The following PACSIN2 variants were observed in gnomAD, a reference collection of about 807,000 sequenced individuals.
PACSIN2 encodes protein kinase C and casein kinase substrate in neurons protein 2.
PACSIN2 carries 25 observed loss-of-function variants against 63.8 expected under a neutral mutation model. That is an observed-to-expected ratio of 0.39 (90% CI 0.29 to 0.55). The LOEUF is 0.55. Among genes scored for constraint, PACSIN2 ranks in the 20% least tolerant of loss-of-function variants. PACSIN2 has a pLI of 0.62. For synonymous variants in PACSIN2, 255 were observed against 256.2 expected (o/e 1.00, Z 0.05); for missense variants, 518 against 646.9 (o/e 0.80, Z 2.16).
chr22:43,013,298 C>T (rs1924623952), intron 1 of PACSIN2, among the ~76,000 whole-genome samples: 1 of 152,210 alleles, frequency 6.6e-6, no homozygotes, highest in Non-Finnish European at 1.5e-5. Flanking sequence ...ATAAATATCA[C>T]CAGCCTAATG....
intron 1 of PACSIN2, among the ~76,000 whole-genome samples, chr22:42,931,730 A>G (rs1932782565): frequency 1.3e-5 from 2 of 152,160 alleles, no homozygotes; most frequent in African/African-American, 2.4e-5. Flanking sequence ...TAATAGTTAC[A>G]TTTTTTAATT....
rs186900723 is a variant in PACSIN2 at position 43,007,201 on chromosome 22, T to A, written c.-78+7820A>T. Reference sequence around the variant, plus strand: ...CCTTCCCTGCCCCTAGCAGCCCCTCTCACACACACCTCTTGTTCTTTTTTT... The same window carrying A: ...CCTTCCCTGCCCCTAGCAGCCCCTCACACACACACCTCTTGTTCTTTTTTT... On this transcript the variant is annotated intron_variant, in intron 1 of 10. Coordinates refer to ENST00000263246, the MANE Select transcript of PACSIN2 (RefSeq NM_001184970.3). Among the ~76,000 whole-genome samples the A allele has an allele frequency of 3.4e-5, 5 of 149,086 alleles. No homozygotes were observed. In the East Asian group the frequency reaches 5.9e-4, roughly 18 times the overall value.
At chr22:42,921,033 T>A (rs1932159785) in intron 1 of PACSIN2, among the ~76,000 whole-genome samples, 2 of 151,992 alleles carry the variant, frequency 1.3e-5, no homozygotes, top group Non-Finnish European at 2.9e-5. Context: ...TGGGCTCAAG[T>A]GATCCACTGT....
chr22:42,929,482 G>A (rs936001969), intron 1 of PACSIN2, among the ~76,000 whole-genome samples: 2 of 152,242 alleles, frequency 1.3e-5, no homozygotes, highest in Non-Finnish European at 2.9e-5. Context: ...TCAGTGGATT[G>A]TGAAATGTTC....
At chr22:42,939,559 C>T (rs1426876405) in intron 1 of PACSIN2, among the ~76,000 whole-genome samples, 1 of 152,176 alleles carries the variant, frequency 6.6e-6, no homozygotes, top group Non-Finnish European at 1.5e-5. Flanking sequence ...GCCAACCCCA[C>T]AGAGGGAATG....
At chr22:42,904,249 C>T (rs1245383348) in intron 2 of PACSIN2, among the ~76,000 whole-genome samples, 7 of 152,228 alleles carry the variant, frequency 4.6e-5, no homozygotes, top group South Asian at 2.1e-4. Context: ...GAGAAGGCCC[C>T]GCGACACCCT....
intron 1 of PACSIN2, among the ~76,000 whole-genome samples, chr22:42,986,563 G>A (rs1479006952): frequency 1.3e-5 from 2 of 152,264 alleles, no homozygotes; most frequent in Non-Finnish European, 1.5e-5. Context: ...GCACGCTGCT[G>A]AGTGCACATG....
At position 42,893,613 on chromosome 22, in the gene PACSIN2, C is replaced by A; in HGVS notation, c.61G>T (p.Val21Phe). Residue 21 changes from valine to phenylalanine, a missense_variant and splice_region_variant, in exon 3 of 11, where the codon GTC becomes TTC. Physicochemically the swap from Val to Phe is conservative, Grantham distance 50. Coordinates refer to ENST00000263246, the MANE Select transcript of PACSIN2 (RefSeq NM_001184970.3). ...TTCACAGTCCGCTTGTAGTTCCCGA[C>A]CTAGGAGAGAGAACCAGCTGGGAGG... is the stretch of plus-strand genomic sequence containing the variant. ...VEVSSDSFWEVGNYKRTVKRI... is the reference protein window; with the variant it reads ...VEVSSDSFWEFGNYKRTVKRI... 4 of 1,611,378 alleles carry A rather than the reference C, an allele frequency of 2.5e-6. No homozygotes were observed. Among genetic ancestry groups the A allele is most frequent in the Non-Finnish European group, 3.4e-6 (4 of 1,177,778 alleles).
chr22:42,944,582 G>C (rs1933323270), intron 1 of PACSIN2, among the ~76,000 whole-genome samples: 1 of 152,060 alleles, frequency 6.6e-6, no homozygotes, highest in Non-Finnish European at 1.5e-5. Context: ...TAAACTCAAA[G>C]AAAAAATAGC....
intron 1 of PACSIN2, among the ~76,000 whole-genome samples, chr22:43,009,885 T>C (rs1924351912): frequency 7.0e-6 from 1 of 142,016 alleles, no homozygotes; most frequent in Admixed American, 7.2e-5. Flanking sequence ...TTTTTTTTTT[T>C]TGAGACAGAG....
chr22:42,907,962 G>T (rs1268265098), intron 2 of PACSIN2, among the ~76,000 whole-genome samples: 1 of 152,240 alleles, frequency 6.6e-6, no homozygotes, highest in East Asian at 1.9e-4. Context: ...AGAGCAAGTT[G>T]CAACAACCTA....
chr22:42,884,840 C>A (rs904259124), intron 5 of PACSIN2, among the ~76,000 whole-genome samples: 1 of 152,228 alleles, frequency 6.6e-6, no homozygotes, highest in African/African-American at 2.4e-5. Context: ...TGGTCTTGAG[C>A]GTGCCACACG....
rs1449838796 is a variant in PACSIN2 at position 43,007,936 on chromosome 22, C to G, written c.-78+7085G>C. Among the ~76,000 whole-genome samples, 5 of 152,160 alleles carry G rather than the reference C, an allele frequency of 3.3e-5. No individual in the cohort carries two copies. The South Asian group carries it at 1.0e-3, about 32-fold the overall frequency. On this transcript the variant is annotated intron_variant, in intron 1 of 10. Transcript: ENST00000263246. ...GAGATATCCTCCAAACACTCTCAGT[C>G]CAGGGAGTGAAATGAAAATAAAAAG...
At chr22:42,930,243 A>T (rs1308264339) in intron 1 of PACSIN2, among the ~76,000 whole-genome samples, 2 of 152,160 alleles carry the variant, frequency 1.3e-5, no homozygotes, top group African/African-American at 2.4e-5. Context: ...TCTTTAAGCC[A>T]CTATTATTTT....
intron 10 of PACSIN2, among the ~76,000 whole-genome samples, chr22:42,874,079 C>T (rs181268189): frequency 1.5e-4 from 23 of 152,236 alleles, no homozygotes; most frequent in Non-Finnish European, 2.1e-4. Context: ...TGTGAGCCAT[C>T]GTGCCCGGAC....
intron 1 of PACSIN2, among the ~76,000 whole-genome samples, chr22:42,958,108 T>C (rs975981417): frequency 2.0e-5 from 3 of 151,462 alleles, no homozygotes; most frequent in Non-Finnish European, 4.4e-5. Flanking sequence ...AAAAAAACAC[T>C]CTTAGCTAAG....
At chr22:42,952,140 TC>T (rs1467460547) in intron 1 of PACSIN2, among the ~76,000 whole-genome samples, 1 of 152,174 alleles carries the variant, frequency 6.6e-6, no homozygotes, top group African/African-American at 2.4e-5. Flanking sequence ...GAATGTAGGT[TC>T]CTTATGCACC....
At position 42,912,115 on chromosome 22, in the gene PACSIN2, T is replaced by A; in HGVS notation, c.-35A>T. Reference sequence around the variant, plus strand: ...GGCTGAGGGAGCAGCAAAGTATACTTAGTCAGGGGTCAACTTCGAACGCTC... The same window carrying A: ...GGCTGAGGGAGCAGCAAAGTATACTAAGTCAGGGGTCAACTTCGAACGCTC... On this transcript the variant is annotated 5_prime_UTR_variant, in exon 2 of 11. Coordinates refer to ENST00000263246, the MANE Select transcript of PACSIN2 (RefSeq NM_001184970.3). 6.7e-7 allele frequency: 1 copy of A among 1,491,362 alleles called. No individual in the cohort carries two copies. Among genetic ancestry groups the A allele is most frequent in the Non-Finnish European group, 9.2e-7 (1 of 1,092,866 alleles). 92.4% of individuals were successfully genotyped at this position (1,491,362 alleles called of 1,614,324 possible).
At chr22:42,981,385 C>A (rs1922108103) in intron 1 of PACSIN2, among the ~76,000 whole-genome samples, 1 of 142,680 alleles carries the variant, frequency 7.0e-6, no homozygotes, top group African/African-American at 2.7e-5. Context: ...GACCAGCCGC[C>A]CCGTCCGGGA....
Sources: allele counts gnomAD v4.1 joint callset (sites outside exome capture counted in the v4.1 genomes callset), GRCh38; gene constraint gnomAD v4.1.1; transcripts MANE v1.5; gene names NCBI Gene and HGNC (gene_info 2026-07-23, HGNC 2026-07-21).